Variants in NGFR observed in about 807,000 individuals in gnomAD.
The protein encoded by NGFR is tumor necrosis factor receptor superfamily member 16.
NGFR carries 30 observed loss-of-function variants against 43.2 expected under a neutral mutation model. That is an observed-to-expected ratio of 0.69 (90% CI 0.52 to 0.94). NGFR has a LOEUF of 0.94. Ranked by LOEUF, NGFR falls within the 40% of genes least tolerant of loss-of-function variation. The pLI is 0.00. For synonymous variants in NGFR, 246 were observed against 259.6 expected (o/e 0.95, Z 0.50); for missense variants, 529 against 602.5 (o/e 0.88, Z 1.28).
Position 49,495,483 on chromosome 17 carries a change from GGTGA to G in NGFR, c.66+4_66+7del. The G allele has an allele frequency of 1.6e-6, 2 of 1,237,166 alleles. No homozygotes were observed. The highest frequency in any genetic ancestry group is 1.5e-5 in the African/African-American group (1 of 64,808). 76.6% of individuals were successfully genotyped at this position (1,237,166 alleles called of 1,614,324 possible). On this transcript the variant is annotated splice_donor_variant and splice_donor_region_variant and intron_variant, in intron 1 of 5. Coordinates refer to ENST00000172229, the MANE Select transcript of NGFR (RefSeq NM_002507.4). LOFTEE classifies it high-confidence loss of function. The surrounding 1 kb of genome is among the most constrained non-coding windows in gnomAD (Gnocchi z 6.4). The stretch of plus-strand genomic sequence containing the variant: ...GCCTGCTGCTGTTGCTGCTTCTGGG[GGTGA>G]GTGTTAGCCGGAGGGGGCCCGCTCC...
In NGFR at chr17:49,511,937, A is replaced by G; in HGVS notation, c.867A>G (p.Pro289=). 1 of 1,613,046 alleles carries G rather than the reference A, an allele frequency of 6.2e-7. No homozygotes were observed. Among genetic ancestry groups the G allele is most frequent in the Non-Finnish European group, 8.5e-7 (1 of 1,179,580 alleles). Residue 289 remains proline (P), a synonymous_variant, in exon 5 of 6, where the codon CCA becomes CCG. Transcript: ENST00000172229. ...KQNKQGANSR[P]VNQTPPPEGE... is the part of the protein sequence containing the mutation. ...ACAAGCAAGGAGCCAACAGCCGGCC[A>G]GTGAACCAGACGCCCCCACCAGAGG...
intron 3 of NGFR, among the ~76,000 whole-genome samples, 200 bp downstream of exon 3, chr17:49,506,858 C>G (rs1173622584): frequency 6.6e-6 from 1 of 152,172 alleles, no homozygotes; most frequent in Non-Finnish European, 1.5e-5. Context: ...CATCCTGTCT[C>G]AGCAAAGAAC....
At chr17:49,501,998 GAACCCCCCCC>G in intron 1 of NGFR, 55 bp from the exon 2 acceptor site, 2 of 508,516 alleles carry the variant, frequency 3.9e-6, no homozygotes, top group Non-Finnish European at 7.3e-6. Context: ...TTCCCCGGAA[GAACCCCCCCC>G]AACCCACCCC....
intron 3 of NGFR, 32 bp from the exon 4 acceptor site, chr17:49,510,380 T>C (rs988464797): frequency 4.4e-6 from 7 of 1,606,216 alleles, no homozygotes; most frequent in Non-Finnish European, 6.0e-6. Context: ...GTGGGGGAAG[T>C]GGGTCCTCAC....
intron 3 of NGFR, among the ~76,000 whole-genome samples, chr17:49,507,312 G>A (rs11466138): frequency 0.02 from 3,072 of 152,280 alleles, 112 homozygotes; most frequent in African/African-American, 0.071. Context: ...AGCTTGCCCT[G>A]TCTAGGGGAG....
intron 2 of NGFR, 123 bp from the exon 3 acceptor site, chr17:49,506,176 G>A: frequency 1.4e-6 from 2 of 1,471,690 alleles, no homozygotes; most frequent in Admixed American, 2.4e-5. Flanking sequence ...GGTGGGAGCC[G>A]ATGAGAAGGC....
At chr17:49,500,982 C>T (rs11466128) in intron 1 of NGFR, among the ~76,000 whole-genome samples, 2 of 152,208 alleles carry the variant, frequency 1.3e-5, no homozygotes, top group Non-Finnish European at 2.9e-5. Flanking sequence ...TCTGGTCCCA[C>T]GACCCCAAAG....
chr17:49,509,207 G>A (rs1031521044), intron 3 of NGFR, among the ~76,000 whole-genome samples: 2 of 149,430 alleles, frequency 1.3e-5, no homozygotes, highest in East Asian at 3.9e-4. Flanking sequence ...TGCTGAAAAC[G>A]GGCCTTTGAA....
intron 1 of NGFR, chr17:49,496,607 C>A (rs1387359697): frequency 3.3e-5 from 5 of 152,188 alleles, no homozygotes; most frequent in East Asian, 1.9e-4. Context: ...AAGTGCAGTC[C>A]GCCGCTGCCT....
chr17:49,508,372 C>T (rs1214689015), intron 3 of NGFR, among the ~76,000 whole-genome samples: 1 of 152,200 alleles, frequency 6.6e-6, no homozygotes, highest in Non-Finnish European at 1.5e-5. Flanking sequence ...AGCCCACTTT[C>T]CCAGCCACCC....
chr17:49,495,493 A>G lies in NGFR; in HGVS notation c.66+10A>G. ...GTTGCTGCTTCTGGGGGTGAGTGTT[A>G]GCCGGAGGGGGCCCGCTCCCTTTCC... On this transcript the variant is annotated intron_variant, in intron 1 of 5. Transcript: ENST00000172229. This position sits in a 1 kb window ranked among gnomAD's most constrained non-coding sequence, Gnocchi z 6.4. The G allele has an allele frequency of 8.1e-7, 1 of 1,235,628 alleles. No individual in the cohort carries two copies. Among genetic ancestry groups the G allele is most frequent in the Non-Finnish European group, 1.0e-6 (1 of 988,078 alleles). 76.5% of individuals were successfully genotyped at this position (1,235,628 alleles called of 1,614,324 possible).
intron 3 of NGFR, among the ~76,000 whole-genome samples, chr17:49,510,204 G>A (rs949939677): frequency 2.0e-5 from 3 of 152,210 alleles, no homozygotes; most frequent in Non-Finnish European, 2.9e-5. Flanking sequence ...AGTCAGTGGC[G>A]AAGCTGAAGG....
chr17:49,506,692 G>T (rs953173201), intron 3 of NGFR, 34 bp downstream of exon 3: 9 of 1,057,794 alleles, frequency 8.5e-6, no homozygotes, highest in African/African-American at 1.7e-5. Context: ...GGGAGTGGGG[G>T]TGCGGGGGTG....
Position 49,510,398 on chromosome 17 carries a change from G to T in NGFR, c.569-14G>T. 6.2e-7 allele frequency: 1 copy of T among 1,612,254 alleles called. No homozygotes were observed. Among genetic ancestry groups the T allele is most frequent in the Non-Finnish European group, 8.5e-7 (1 of 1,178,746 alleles). On this transcript the variant is annotated splice_polypyrimidine_tract_variant and intron_variant, in intron 3 of 5. Transcript: ENST00000172229. ...GGGGAAGTGGGTCCTCACTCCTGTG[G>T]CCTTTTCTCCCAGAGATCCCTGGCC...
At chr17:49,501,998 G>GAACCCCCCCCC in intron 1 of NGFR, 65 bp from the exon 2 acceptor site, 1 of 508,524 alleles carries the variant, frequency 2.0e-6, no homozygotes, top group South Asian at 2.1e-5. Flanking sequence ...TTCCCCGGAA[G>GAACCCCCCCCC]AACCCCCCCC....
chr17:49,506,185 G>C (rs2143435881), intron 2 of NGFR, 114 bp from the exon 3 acceptor site: 1 of 1,483,628 alleles, frequency 6.7e-7, no homozygotes, highest in Admixed American at 2.3e-5. Flanking sequence ...CGATGAGAAG[G>C]CTGAAGGAGG....
rs1009284134 is a variant in NGFR at position 49,506,189 on chromosome 17, A to G, written c.209-110A>G. On this transcript the variant is annotated intron_variant, in intron 2 of 5. Coordinates refer to ENST00000172229, the MANE Select transcript of NGFR (RefSeq NM_002507.4). ...AGGGTGGGAGCCGATGAGAAGGCTGAAGGAGGAAGTCAGCGTCCTGGCAGG... is the reference window on the plus strand; with the variant it reads ...AGGGTGGGAGCCGATGAGAAGGCTGGAGGAGGAAGTCAGCGTCCTGGCAGG... The G allele has an allele frequency of 5.4e-6, 8 of 1,485,410 alleles. No homozygotes were observed. In the African/African-American group the frequency reaches 1.1e-4, roughly 21 times the overall value. The allele number at this position is 1,485,410 out of a possible 1,614,324, so 92.0% of individuals were successfully genotyped here.
chr17:49,502,000 A>AGGGGCCC, intron 1 of NGFR, 63 bp from the exon 2 acceptor site: 32 of 264,880 alleles, frequency 1.2e-4, no homozygotes, highest in Non-Finnish European at 2.4e-4. Context: ...CCCCGGAAGA[A>AGGGGCCC]CCCCCCCCAA....
At chr17:49,510,773 C>G in intron 4 of NGFR, 109 bp downstream of exon 4, 1 of 1,377,670 alleles carries the variant, frequency 7.3e-7, no homozygotes, top group Non-Finnish European at 1.0e-6. Context: ...CAACCCCAAA[C>G]CAAGCTCATC....
Sources: gnomAD v4.1 joint callset for allele counts (sites outside exome capture counted in the v4.1 genomes callset) on GRCh38, gnomAD v4.1.1 for gene constraint, Gnocchi (gnomAD v3.1) non-coding constraint, MANE v1.5 for transcripts, NCBI Gene and HGNC (gene_info 2026-07-23, HGNC 2026-07-21) for gene names.